Variants in BRSK1 observed in about 807,000 individuals in gnomAD.
BRSK1 encodes the protein serine/threonine-protein kinase BRSK1.
Under a neutral mutation model 86.2 loss-of-function variants are expected in BRSK1, and 17 were observed. The ratio of observed to expected loss-of-function variants is 0.20; its 90% CI spans 0.14 to 0.30. The LOEUF (loss-of-function observed/expected upper bound fraction) is 0.30. BRSK1 is among the 10% of genes least tolerant of loss of function. BRSK1 has a pLI of 1.00. For synonymous variants in BRSK1, 464 were observed against 440.1 expected (o/e 1.05, Z -0.68); for missense variants, 719 against 1,071.9 (o/e 0.67, Z 4.60).
chr19:55,307,828 C>T (rs1238586634), intron 17 of BRSK1, among the ~76,000 whole-genome samples: 3 of 148,880 alleles, frequency 2.0e-5, no homozygotes, highest in Non-Finnish European at 4.5e-5. Flanking sequence ...GTGGCATGCA[C>T]CTGTAGTCCC....
chr19:55,309,499 C>A (rs1057354066), intron 18 of BRSK1, among the ~76,000 whole-genome samples: 1 of 152,208 alleles, frequency 6.6e-6, no homozygotes, highest in Admixed American at 6.5e-5. Flanking sequence ...AGTCCAAGAT[C>A]AAGCTGCCAG....
At chr19:55,290,070 C>T (rs1407647103) in intron 4 of BRSK1, among the ~76,000 whole-genome samples, 1 of 152,190 alleles carries the variant, frequency 6.6e-6, no homozygotes, top group Non-Finnish European at 1.5e-5. Flanking sequence ...TCTTGGCTCA[C>T]TACAACCTCT....
At position 55,304,988 on chromosome 19, in the gene BRSK1, ATGTCCGTCTGGCG is replaced by A; in HGVS notation, c.1717+73_1717+85del. On this transcript the variant is annotated intron_variant, in intron 14 of 18. Transcript: ENST00000309383. This position sits in a 1 kb window ranked among gnomAD's most constrained non-coding sequence, Gnocchi z 5.2. ...TGGGGCTAAAAATCTGGTTCCAGGG[ATGTCCGTCTGGCG>A]TGTCTAGAGAGGAAGGGACTGGGGG... 1 of 1,581,548 alleles carries A rather than the reference ATGTCCGTCTGGCG, an allele frequency of 6.3e-7. No individual in the cohort carries two copies. Among genetic ancestry groups the A allele is most frequent in the Middle Eastern group, 2.3e-4 (1 of 4,364 alleles).
In BRSK1 at chr19:55,304,726, C is replaced by A; in HGVS notation, c.1523C>A (p.Ser508Tyr). ...ACACCCCTGCCCGGCCCCCCAGGCTCCCCGCGCTCCTCTGGCGGGACCCCC... is the reference window on the plus strand; with the variant it reads ...ACACCCCTGCCCGGCCCCCCAGGCTACCCGCGCTCCTCTGGCGGGACCCCC... ...RSTPLPGPPG[S>Y]PRSSGGTPLH... Residue 508 changes from serine to tyrosine, a missense_variant, in exon 14 of 19, where the codon TCC becomes TAC. Physicochemically the swap from Ser to Tyr is moderately radical, Grantham distance 144. Transcript: ENST00000309383. This position sits in a 1 kb window ranked among gnomAD's most constrained non-coding sequence, Gnocchi z 5.2. 1 of 1,517,254 alleles carries A rather than the reference C, an allele frequency of 6.6e-7. No homozygotes were observed. The highest frequency in any genetic ancestry group is 8.8e-7 in the Non-Finnish European group (1 of 1,137,916). 94.0% of individuals were successfully genotyped at this position (1,517,254 alleles called of 1,614,324 possible).
At position 55,303,619 on chromosome 19, in the gene BRSK1, A is replaced by G. The variant is rs746078555; in HGVS notation, c.1127-48A>G. The G allele has an allele frequency of 2.0e-5, 31 of 1,566,674 alleles. No homozygotes were observed. Among genetic ancestry groups the G allele is most frequent in the Non-Finnish European group, 1.0e-5 (12 of 1,154,014 alleles). On this transcript the variant is annotated intron_variant, in intron 11 of 18. Coordinates refer to ENST00000309383, the MANE Select transcript of BRSK1 (RefSeq NM_032430.2). This position sits in a 1 kb window ranked among gnomAD's most constrained non-coding sequence, Gnocchi z 5.1. ...TGCAGTTTCTGAGGCAGTTGTACAC[A>G]GCTGGGTGAAACCATCTCTTGATTG...
intron 7 of BRSK1, among the ~76,000 whole-genome samples, chr19:55,297,146 G>A (rs8107006): frequency 6.6e-6 from 1 of 151,990 alleles, no homozygotes; most frequent in Non-Finnish European, 1.5e-5. Flanking sequence ...GCGCCATCTC[G>A]GCTCACTGCA....
chr19:55,308,760 G>A (rs745720500), intron 18 of BRSK1, 32 bp downstream of exon 18: 9 of 391,880 alleles, frequency 2.3e-5, no homozygotes, highest in Admixed American at 9.1e-5. Flanking sequence ...GGTGGGGGGC[G>A]TGGGTGGCGG....
intron 4 of BRSK1, among the ~76,000 whole-genome samples, chr19:55,290,208 C>A (rs776634815): frequency 1.2e-4 from 19 of 152,172 alleles, no homozygotes; most frequent in Admixed American, 3.3e-4. Flanking sequence ...GTTGGCCAGG[C>A]TGGTCTCGAA....
Position 55,302,260 on chromosome 19 carries a change from G to T in BRSK1, c.857+92G>T, listed in dbSNP as rs2088582657. ...GCGGCTGGGAGGGGTGGGATGCCAG[G>T]GTTCCTGAGAGGCAACGGGCTAGGG... On this transcript the variant is annotated intron_variant, in intron 9 of 18. Transcript: ENST00000309383. The surrounding 1 kb of genome is among the most constrained non-coding windows in gnomAD (Gnocchi z 6.3). 1 of 1,489,454 alleles carries T rather than the reference G, an allele frequency of 6.7e-7. No individual in the cohort carries two copies. Among genetic ancestry groups the T allele is most frequent in the Non-Finnish European group, 9.4e-7 (1 of 1,067,350 alleles). 92.3% of individuals were successfully genotyped at this position (1,489,454 alleles called of 1,614,324 possible).
rs776399061 is a variant in BRSK1, at chr19:55,306,215, C to G, written c.1891-37C>G. ...GGTCGTGGGGCTGGGTATCCATTTCCTGGGCTCACCCCTTCCTGTGTTCCT... is the reference window on the plus strand; with the variant it reads ...GGTCGTGGGGCTGGGTATCCATTTCGTGGGCTCACCCCTTCCTGTGTTCCT... On this transcript the variant is annotated intron_variant, in intron 16 of 18. Transcript: ENST00000309383. This position sits in a 1 kb window ranked among gnomAD's most constrained non-coding sequence, Gnocchi z 4.7. 17 of 1,607,484 alleles carry G rather than the reference C, an allele frequency of 1.1e-5. No homozygotes were observed. The South Asian group carries it at 1.6e-4, about 16-fold the overall frequency.
intron 16 of BRSK1, 107 bp downstream of exon 16, chr19:55,305,693 A>G: frequency 6.6e-7 from 1 of 1,516,338 alleles, no homozygotes; most frequent in South Asian, 1.2e-5. Flanking sequence ...CCTGGGGCTC[A>G]TGGGATTTGT....
Position 55,284,145 on chromosome 19 carries a change from C to G in BRSK1, c.-298C>G. 2 of 979,610 alleles carry G rather than the reference C, an allele frequency of 2.0e-6. No individual in the cohort carries two copies. Among genetic ancestry groups the G allele is most frequent in the Non-Finnish European group, 2.6e-6 (2 of 779,856 alleles). The allele number at this position is 979,610 out of a possible 1,614,324, so 60.7% of individuals were successfully genotyped here. A position where few individuals can be genotyped will look rare whatever the true frequency, so the allele number is the denominator to read the frequency against. On this transcript the variant is annotated 5_prime_UTR_variant, in exon 1 of 19. Transcript: ENST00000309383. ...CGGCCCGCACCTCAGACCCCCCCGGCGGGGGGAGGCGCAGGAAGCGGGGGG... is the reference window on the plus strand; with the variant it reads ...CGGCCCGCACCTCAGACCCCCCCGGGGGGGGGAGGCGCAGGAAGCGGGGGG...
At chr19:55,293,023 TC>T (rs2088431778) in intron 4 of BRSK1, among the ~76,000 whole-genome samples, 1 of 151,738 alleles carries the variant, frequency 6.6e-6, no homozygotes, top group Non-Finnish European at 1.5e-5. Context: ...ATACACTTGA[TC>T]TTAGCCAAAA....
chr19:55,284,492 T>TACCCCCC lies in BRSK1; in HGVS notation c.50_51insACCCCCC (p.His19ProfsTer33). The TACCCCCC allele has an allele frequency of 1.3e-6, 1 of 776,246 alleles. No individual in the cohort carries two copies. Among genetic ancestry groups the TACCCCCC allele is most frequent in the Non-Finnish European group, 1.8e-6 (1 of 546,156 alleles). The allele number at this position is 776,246 out of a possible 1,614,324, so 48.1% of individuals were successfully genotyped here. Reference sequence around the variant, plus strand: ...GGTGGGGGCTCTCCCGCCTACCACCTCCCCCACCCCCACCCCCACCCACCC... The same window carrying TACCCCCC: ...GGTGGGGGCTCTCCCGCCTACCACCTACCCCCCCCCCCACCCCCACCCCCACCCACCC... On this transcript the variant is annotated frameshift_variant, in exon 1 of 19. Coordinates refer to ENST00000309383, the MANE Select transcript of BRSK1 (RefSeq NM_032430.2). LOFTEE classifies it high-confidence loss of function.
intron 7 of BRSK1, among the ~76,000 whole-genome samples, chr19:55,299,307 CTT>C (rs1399556079): frequency 2.6e-5 from 4 of 152,022 alleles, no homozygotes; most frequent in Non-Finnish European, 5.9e-5. Context: ...TTTGCAGTGA[CTT>C]TATAGAACAG....
At chr19:55,285,150 G>T (rs1343387130) in intron 1 of BRSK1, among the ~76,000 whole-genome samples, 1 of 151,314 alleles carries the variant, frequency 6.6e-6, no homozygotes, top group Non-Finnish European at 1.5e-5. Context: ...GGAGGGCCTG[G>T]GGGCCTGGAC....
rs976148015 is a variant in BRSK1 at position 55,303,095 on chromosome 19, T to C, written c.1029-216T>C. 3 of 637,200 alleles carry C rather than the reference T, an allele frequency of 4.7e-6. No homozygotes were observed. The African/African-American group carries it at 5.5e-5, about 12-fold the overall frequency. The allele number at this position is 637,200 out of a possible 1,614,324, so 39.5% of individuals were successfully genotyped here. ...CTTACATATACATAGTACTTACAAA[T>C]AGTTCTTGCCTGGATGTTAGGTGTT... On this transcript the variant is annotated intron_variant, in intron 10 of 18. Coordinates refer to ENST00000309383, the MANE Select transcript of BRSK1 (RefSeq NM_032430.2). The surrounding 1 kb of genome is among the most constrained non-coding windows in gnomAD (Gnocchi z 5.1).
At chr19:55,308,109 C>T (rs1316046908) in intron 17 of BRSK1, among the ~76,000 whole-genome samples, 1 of 151,088 alleles carries the variant, frequency 6.6e-6, no homozygotes, top group East Asian at 2.0e-4. Flanking sequence ...CAACCTCTGC[C>T]TCCTGGGTTC....
chr19:55,288,390 C>T (rs552055554), intron 3 of BRSK1, among the ~76,000 whole-genome samples: 1 of 147,252 alleles, frequency 6.8e-6, no homozygotes, highest in Non-Finnish European at 1.5e-5. Context: ...GGGAGAATTG[C>T]TTGAACCTGG....
Sources: allele counts gnomAD v4.1 joint callset (sites outside exome capture counted in the v4.1 genomes callset), GRCh38; gene constraint gnomAD v4.1.1; non-coding constraint Gnocchi (gnomAD v3.1); transcripts MANE v1.5; gene names NCBI Gene and HGNC (gene_info 2026-07-23, HGNC 2026-07-21).